The following TSPAN9 variants were observed in gnomAD, a reference collection of about 807,000 sequenced individuals.
TSPAN9 encodes tetraspanin-9.
Under a neutral mutation model 31.0 loss-of-function variants are expected in TSPAN9, and 16 were observed. The observed-to-expected ratio is 0.52, with a 90% CI of 0.35 to 0.78. The LOEUF (loss-of-function observed/expected upper bound fraction) is 0.78, where lower values mean the gene tolerates loss of function less well. Among genes scored for constraint, TSPAN9 ranks in the 30% least tolerant of loss-of-function variants. The probability of loss-of-function intolerance (pLI) is 0.01; values close to 1 mark genes in which losing one functional copy is unlikely to be tolerated. For missense variants in TSPAN9, 272 were observed against 312.5 expected, an observed-to-expected ratio of 0.87 and a Z score of 0.98; for synonymous variants, 145 against 121.6, an observed-to-expected ratio of 1.19 and a Z score of -1.27.
intron 2 of TSPAN9, among the ~76,000 whole-genome samples, chr12:3,180,534 G>A (rs1443518118): frequency 2.0e-5 from 3 of 151,894 alleles, no homozygotes; most frequent in Non-Finnish European, 4.4e-5. Flanking sequence ...ACCCAATAAT[G>A]GGTCACAGCC....
chr12:3,231,491 C>T (rs7976853), intron 3 of TSPAN9, among the ~76,000 whole-genome samples: 12,831 of 152,256 alleles, frequency 0.084, 640 homozygotes, highest in Middle Eastern at 0.14. Flanking sequence ...GAGATGCCGT[C>T]GGCAGAGACT....
At chr12:3,157,256 T>C (rs1332357984) in intron 2 of TSPAN9, among the ~76,000 whole-genome samples, 1 of 152,102 alleles carries the variant, frequency 6.6e-6, no homozygotes, top group African/African-American at 2.4e-5. Flanking sequence ...CCCGCCACCA[T>C]GCCCGGCTAA....
rs1267081456 is a variant in TSPAN9 at position 3,107,332 on chromosome 12, T to A, written c.-18+23613T>A. Among the ~76,000 whole-genome samples, 5 of 152,192 alleles carry A rather than the reference T, an allele frequency of 3.3e-5. No individual in the cohort carries two copies. Among genetic ancestry groups the A allele is most frequent in the Admixed American group, 6.5e-5 (1 of 15,288 alleles). ...TGAAAATCTGCGTGAAAACCTGAGG[T>A]CTGCCAGGCGGCACTGCAGGGGGCG... On this transcript the variant is annotated intron_variant, in intron 2 of 8. Transcript: ENST00000011898. The surrounding 1 kb of genome is among the most constrained non-coding windows in gnomAD (Gnocchi z 4.1).
At chr12:3,174,872 G>A (rs533584723) in intron 2 of TSPAN9, among the ~76,000 whole-genome samples, 130 of 152,280 alleles carry the variant, frequency 8.5e-4, no homozygotes, top group Middle Eastern at 3.4e-3. Context: ...GTGAGCCACC[G>A]CACCCGGCCT....
At chr12:3,282,468 G>T (rs568515989) in intron 8 of TSPAN9, among the ~76,000 whole-genome samples, 1 of 152,002 alleles carries the variant, frequency 6.6e-6, no homozygotes, top group Non-Finnish European at 1.5e-5. Context: ...GTCATAGCTC[G>T]CTGCAGCCAC....
intron 3 of TSPAN9, among the ~76,000 whole-genome samples, chr12:3,238,198 G>A (rs1195855288): frequency 1.3e-5 from 2 of 152,166 alleles, no homozygotes; most frequent in East Asian, 3.9e-4. Flanking sequence ...GAGACACCAC[G>A]TGATCTGCCC....
chr12:3,220,007 T>C (rs111326679), intron 3 of TSPAN9, among the ~76,000 whole-genome samples: 4,912 of 151,322 alleles, frequency 0.032, 279 homozygotes, highest in African/African-American at 0.11. Flanking sequence ...ATACAAAAAG[T>C]AGTGGCGCAT....
intron 2 of TSPAN9, among the ~76,000 whole-genome samples, chr12:3,120,620 A>G (rs2098324607): frequency 6.6e-6 from 1 of 152,104 alleles, no homozygotes. Context: ...TTTTATGCCC[A>G]GCGTTTCCTT....
chr12:3,237,957 G>T (rs913298916), intron 3 of TSPAN9, among the ~76,000 whole-genome samples: 5 of 152,206 alleles, frequency 3.3e-5, no homozygotes, highest in African/African-American at 1.2e-4. Flanking sequence ...TTCCCGTGAT[G>T]ATGGAAAGCT....
intron 2 of TSPAN9, among the ~76,000 whole-genome samples, chr12:3,148,832 G>A (rs2098338558): frequency 6.6e-6 from 1 of 152,164 alleles, no homozygotes; most frequent in South Asian, 2.1e-4. Context: ...GCCTCCCCAC[G>A]GCTGCAGCTG....
chr12:3,209,510 A>G (rs4766070), intron 3 of TSPAN9, among the ~76,000 whole-genome samples: 83,731 of 151,884 alleles, frequency 0.55, 23,595 homozygotes, highest in Middle Eastern at 0.69. Context: ...GTGGAGGACC[A>G]TCTTTTAAGT....
chr12:3,156,148 G>A (rs983080307), intron 2 of TSPAN9, among the ~76,000 whole-genome samples: 3 of 152,226 alleles, frequency 2.0e-5, no homozygotes, highest in Admixed American at 2.0e-4. Context: ...TCCCCAGCCT[G>A]TGTCAGCGGC....
chr12:3,165,048 G>A (rs1182139075), intron 2 of TSPAN9, among the ~76,000 whole-genome samples: 1 of 152,202 alleles, frequency 6.6e-6, no homozygotes, highest in African/African-American at 2.4e-5. Context: ...CCGTAGAGGG[G>A]TAGGATTAAC....
intron 2 of TSPAN9, among the ~76,000 whole-genome samples, chr12:3,124,565 C>T (rs1012546174): frequency 1.3e-5 from 2 of 151,780 alleles, no homozygotes; most frequent in East Asian, 1.9e-4. Flanking sequence ...GCACAACCAA[C>T]ACGCGTGGCT....
intron 3 of TSPAN9, among the ~76,000 whole-genome samples, chr12:3,223,003 C>T (rs925611765): frequency 1.3e-5 from 2 of 152,208 alleles, no homozygotes; most frequent in Non-Finnish European, 2.9e-5. Flanking sequence ...TGTGCCAGCC[C>T]ACCGGGCAGG....
chr12:3,206,384 G>C (rs1051900161), intron 3 of TSPAN9: 1 of 455,880 alleles, frequency 2.2e-6, no homozygotes, highest in Non-Finnish European at 4.4e-6. Flanking sequence ...CTCGTCCTGC[G>C]CTGAGCATTT....
intron 2 of TSPAN9, among the ~76,000 whole-genome samples, chr12:3,109,299 T>TGTGTGTGTGTGTGAGAGAGAGAGA (rs1274383200): frequency 2.5e-5 from 3 of 118,298 alleles, no homozygotes; most frequent in African/African-American, 4.6e-5. Context: ...TGTGTGTGTG[T>TGTGTGTGTGTGTGAGAGAGAGAGA]GAGAGAGAGT....
intron 2 of TSPAN9, chr12:3,125,188 A>G (rs2098326783): frequency 1.3e-5 from 2 of 152,114 alleles, no homozygotes; most frequent in Admixed American, 6.6e-5. Context: ...AAAAATGCTA[A>G]TGGTAGTTCG....
intron 2 of TSPAN9, among the ~76,000 whole-genome samples, chr12:3,084,687 G>A (rs1196123410): frequency 6.6e-6 from 1 of 152,238 alleles, no homozygotes; most frequent in East Asian, 1.9e-4. Flanking sequence ...TTAATCAGAT[G>A]AAGTTATAAT....
Sources: gnomAD v4.1 joint callset for allele counts (sites outside exome capture counted in the v4.1 genomes callset) on GRCh38, gnomAD v4.1.1 for gene constraint, Gnocchi (gnomAD v3.1) non-coding constraint, MANE v1.5 for transcripts, NCBI Gene and HGNC (gene_info 2026-07-23, HGNC 2026-07-21) for gene names.